GLIS3: variants seen among roughly 807,000 people sequenced by gnomAD.
GLIS3 encodes the protein GLIS family zinc finger 3.
Under a neutral mutation model 78.6 loss-of-function variants are expected in GLIS3, and 53 were observed. The observed-to-expected ratio is 0.67, with a 90% CI of 0.54 to 0.85. The LOEUF (loss-of-function observed/expected upper bound fraction) is 0.85, where lower values mean the gene tolerates loss of function less well. GLIS3 is among the 40% of genes least tolerant of loss of function. The pLI, the probability that GLIS3 is intolerant of heterozygous loss-of-function variation, is 0.00. For synonymous variants in GLIS3, 684 were observed against 509.9 expected (o/e 1.34, Z -4.60); for missense variants, 1,703 against 1,231.1 (o/e 1.38, Z -5.74).
chr9:4,044,816 C>G (rs114241111), intron 4 of GLIS3, among the ~76,000 whole-genome samples: 1,578 of 152,316 alleles, frequency 0.01, 22 homozygotes, highest in African/African-American at 0.035. Flanking sequence ...TTCTTTTTAT[C>G]TTTGGGCAGA....
chr9:3,885,821 T>C (rs1274599681), intron 7 of GLIS3, among the ~76,000 whole-genome samples: 3 of 152,208 alleles, frequency 2.0e-5, no homozygotes, highest in Non-Finnish European at 4.4e-5. Context: ...ATAGAGACAT[T>C]GTCAGTGTGG....
chr9:3,914,320 C>G (rs554397168), intron 6 of GLIS3, among the ~76,000 whole-genome samples: 2 of 117,412 alleles, frequency 1.7e-5, no homozygotes, highest in African/African-American at 6.6e-5. Context: ...TAAGTTTTTT[C>G]AGATTTTTGG....
At chr9:4,017,301 T>C (rs1369915481) in intron 4 of GLIS3, among the ~76,000 whole-genome samples, 1 of 152,168 alleles carries the variant, frequency 6.6e-6, no homozygotes, top group Non-Finnish European at 1.5e-5. Flanking sequence ...GACTAGTCTA[T>C]ACTCTGCAGC....
intron 4 of GLIS3, among the ~76,000 whole-genome samples, chr9:3,992,911 T>G (rs1266947107): frequency 6.6e-6 from 1 of 152,150 alleles, no homozygotes; most frequent in Non-Finnish European, 1.5e-5. Flanking sequence ...GTATGAAGAT[T>G]TTCCACTTGT....
At position 4,141,483 on chromosome 9, in the gene GLIS3, A is replaced by C. The variant is rs548894365; in HGVS notation, c.389-15542T>G. 2.6e-5 allele frequency among the ~76,000 whole-genome samples: 4 copies of C among 152,354 alleles called. No individual in the cohort carries two copies. In the South Asian group the frequency reaches 6.2e-4, roughly 24 times the overall value. On this transcript the variant is annotated intron_variant, in intron 2 of 10. Coordinates refer to ENST00000381971, the MANE Select transcript of GLIS3 (RefSeq NM_001042413.2). ...CAGTAACCTGAAGAACCAAGAACAC[A>C]GAAAAGCTCCTGGAATGTTCTGCTC...
At chr9:4,389,032 A>C in the GLIS3 span, among the ~76,000 whole-genome samples, 1 of 152,200 alleles carries the variant, frequency 6.6e-6, no homozygotes, top group Non-Finnish European at 1.5e-5. Flanking sequence ...AAGCAAGAGC[A>C]CTTAAGCCGA....
chr9:4,217,437 G>T (rs978538157), intron 2 of GLIS3, among the ~76,000 whole-genome samples: 3 of 152,158 alleles, frequency 2.0e-5, no homozygotes, highest in Non-Finnish European at 2.9e-5. Flanking sequence ...TCCAAGCGGG[G>T]ACATCATGGG....
the GLIS3 span, among the ~76,000 whole-genome samples, chr9:4,373,222 A>T: frequency 4.6e-5 from 7 of 152,206 alleles, no homozygotes; most frequent in African/African-American, 1.7e-4. Context: ...TGCCATTCTC[A>T]GACATCACTG....
chr9:4,198,434 C>A (rs1819064021), intron 2 of GLIS3, among the ~76,000 whole-genome samples: 1 of 152,046 alleles, frequency 6.6e-6, no homozygotes, highest in African/African-American at 2.4e-5. Context: ...CATCAATAGA[C>A]TGAACCAAGC....
intron 2 of GLIS3, among the ~76,000 whole-genome samples, chr9:4,271,884 G>A (rs1237260687): frequency 6.6e-6 from 1 of 152,174 alleles, no homozygotes; most frequent in East Asian, 1.9e-4. Flanking sequence ...TCAGTTCCCA[G>A]CTTTGCCACA....
At chr9:4,206,976 G>A (rs939988997) in intron 2 of GLIS3, among the ~76,000 whole-genome samples, 3 of 152,052 alleles carry the variant, frequency 2.0e-5, no homozygotes, top group Non-Finnish European at 4.4e-5. Flanking sequence ...ACTCACTGAC[G>A]CCAAATACAT....
At chr9:4,265,449 C>T (rs1371968726) in intron 2 of GLIS3, among the ~76,000 whole-genome samples, 1 of 144,550 alleles carries the variant, frequency 6.9e-6, no homozygotes, top group African/African-American at 2.8e-5. Context: ...CAGGACAGAA[C>T]TGGGATTCAA....
chr9:4,287,636 C>T (rs116385148), intron 1 of GLIS3, among the ~76,000 whole-genome samples: 151 of 152,238 alleles, frequency 9.9e-4, no homozygotes, highest in African/African-American at 3.6e-3. Context: ...CAGGAGTGAC[C>T]AGATATCCTC....
intron 2 of GLIS3, among the ~76,000 whole-genome samples, chr9:4,311,163 C>G (rs1041445239): frequency 2.6e-5 from 4 of 152,198 alleles, no homozygotes; most frequent in African/African-American, 4.8e-5. Context: ...AATCCCAACA[C>G]TTTGGGAGGC....
intron 4 of GLIS3, among the ~76,000 whole-genome samples, chr9:4,035,202 C>A (rs1349149248): frequency 1.3e-5 from 2 of 152,118 alleles, no homozygotes; most frequent in Non-Finnish European, 2.9e-5. Context: ...TTCACTATAA[C>A]CTTTTATGGC....
rs576981520 is a variant in GLIS3, at chr9:4,096,730, G to A, written c.1710+21038C>T. 3.3e-5 allele frequency among the ~76,000 whole-genome samples: 5 copies of A among 152,270 alleles called. No homozygotes were observed. The East Asian group carries it at 7.7e-4, about 24-fold the overall frequency. On this transcript the variant is annotated intron_variant, in intron 4 of 10. Transcript: ENST00000381971. ...AACAGCTTATAAACTAAAGGAGGTT[G>A]GCCAGACATGGTGGCTCAAGCCTGT...
At chr9:4,068,539 T>C (rs1827298435) in intron 4 of GLIS3, among the ~76,000 whole-genome samples, 1 of 152,202 alleles carries the variant, frequency 6.6e-6, no homozygotes, top group Admixed American at 6.5e-5. Flanking sequence ...ATAGCTATTT[T>C]CTATTTTGTT....
intron 2 of GLIS3, among the ~76,000 whole-genome samples, chr9:4,206,699 A>G (rs554400459): frequency 1.7e-3 from 254 of 152,324 alleles, no homozygotes; most frequent in African/African-American, 5.9e-3. Context: ...AAATGAAATG[A>G]TATACTGGTG....
chr9:3,999,353 G>GT (rs1440695752), intron 4 of GLIS3, among the ~76,000 whole-genome samples: 1 of 152,134 alleles, frequency 6.6e-6, no homozygotes, highest in African/African-American at 2.4e-5. Flanking sequence ...CTCCATGGAA[G>GT]TTTTAATCAT....
Sources: gnomAD v4.1 joint callset for allele counts (sites outside exome capture counted in the v4.1 genomes callset) on GRCh38, gnomAD v4.1.1 for gene constraint, MANE v1.5 for transcripts, NCBI Gene and HGNC (gene_info 2026-07-23, HGNC 2026-07-21) for gene names.